The following NETO1 variants were observed in gnomAD, a reference collection of about 807,000 sequenced individuals.
NETO1 encodes neuropilin and tolloid like 1.
A neutral mutation model predicts 61.3 loss-of-function variants in NETO1; 26 were observed. That is an observed-to-expected ratio of 0.42 (90% confidence interval 0.31 to 0.59). The LOEUF is 0.59. Among genes scored for constraint, NETO1 ranks in the 20% least tolerant of loss-of-function variants. The pLI, the probability that NETO1 is intolerant of heterozygous loss-of-function variation, is 0.12. For missense variants in NETO1, 531 were observed against 662.8 expected, an observed-to-expected ratio of 0.80 and a Z score of 2.18; for synonymous variants, 225 against 225.8, an observed-to-expected ratio of 1.00 and a Z score of 0.03.
At position 72,830,229 on chromosome 18, in the gene NETO1, G is replaced by A. The variant is rs1448357730; in HGVS notation, c.469+28597C>T. ...GAAGGAAGCAGCCCTCCCAAGAGAC[G>A]GGAACAGCAGTGCTATCTTGGTGCC... On this transcript the variant is annotated intron_variant, in intron 4 of 10. Transcript: ENST00000327305. The surrounding 1 kb of genome is among the most constrained non-coding windows in gnomAD (Gnocchi z 4.9). Among the ~76,000 whole-genome samples, 4 of 152,116 alleles carry A rather than the reference G, an allele frequency of 2.6e-5. No homozygotes were observed. Among genetic ancestry groups the A allele is most frequent in the Admixed American group, 6.6e-5 (1 of 15,266 alleles).
intron 8 of NETO1, among the ~76,000 whole-genome samples, chr18:72,752,367 A>G (rs559560338): frequency 4.6e-5 from 7 of 152,290 alleles, no homozygotes; most frequent in African/African-American, 1.7e-4. Flanking sequence ...AGCTAAATAG[A>G]GAGAACAGGA....
chr18:72,862,623 T>TC (rs1568275730), intron 3 of NETO1, among the ~76,000 whole-genome samples: 1 of 34,928 alleles, frequency 2.9e-5, no homozygotes, highest in Non-Finnish European at 1.2e-4. Flanking sequence ...TTTTTTTTTC[T>TC]TTTTTTTTTT....
At chr18:72,849,641 T>C (rs1057102017) in intron 4 of NETO1, among the ~76,000 whole-genome samples, 1 of 152,266 alleles carries the variant, frequency 6.6e-6, no homozygotes, top group Non-Finnish European at 1.5e-5. Context: ...ACTTCACTTT[T>C]AGGAAATAAA....
chr18:72,816,025 A>G (rs1415785984), intron 4 of NETO1, among the ~76,000 whole-genome samples: 3 of 152,114 alleles, frequency 2.0e-5, no homozygotes, highest in Non-Finnish European at 2.9e-5. Context: ...CAACATAAGA[A>G]GAATTTTTAA....
Position 72,792,475 on chromosome 18 carries a change from C to T in NETO1, c.639+1642G>A, listed in dbSNP as rs79929632. On this transcript the variant is annotated intron_variant, in intron 6 of 10. Coordinates refer to ENST00000327305, the MANE Select transcript of NETO1 (RefSeq NM_138966.5). ...GGTGCGGAGGGGCTCTTCTTTTCCC[C>T]TCAGTCTAAATATCCAGTCACCAAA... Among the ~76,000 whole-genome samples the T allele has an allele frequency of 6.4e-3, 965 of 151,698 alleles. 10 individuals carry two copies. The highest frequency in any genetic ancestry group is 0.022 in the African/African-American group (913 of 41,388).
At chr18:72,753,209 C>T (rs1358707605) in intron 8 of NETO1, among the ~76,000 whole-genome samples, 5 of 151,744 alleles carry the variant, frequency 3.3e-5, no homozygotes, top group Non-Finnish European at 7.4e-5. Flanking sequence ...CACACAAAGG[C>T]ATATGATATT....
chr18:72,821,166 C>G (rs17086385), intron 4 of NETO1, among the ~76,000 whole-genome samples: 1 of 149,152 alleles, frequency 6.7e-6, no homozygotes, highest in African/African-American at 2.5e-5. Context: ...ATCCTGTCCT[C>G]TCCTTAGCCC....
At chr18:72,766,709 T>A (rs2071173786) in intron 7 of NETO1, among the ~76,000 whole-genome samples, 2 of 152,294 alleles carry the variant, frequency 1.3e-5, no homozygotes, top group South Asian at 4.1e-4. Context: ...TGTGCAAAAA[T>A]TACATATTCT....
chr18:72,856,047 A>G (rs2074402608), intron 4 of NETO1, among the ~76,000 whole-genome samples: 1 of 152,194 alleles, frequency 6.6e-6, no homozygotes, highest in African/African-American at 2.4e-5. Flanking sequence ...ATACATATGT[A>G]TAAATATTGT....
At chr18:72,756,263 T>A in intron 7 of NETO1, 116 bp from the exon 8 acceptor site, 1 of 581,500 alleles carries the variant, frequency 1.7e-6, no homozygotes, top group East Asian at 2.8e-5. Context: ...CAAACTGAGA[T>A]AAATGATCTG....
Position 72,756,129 on chromosome 18 carries a change from G to C in NETO1, c.887C>G (p.Thr296Arg). The stretch of plus-strand genomic sequence containing the variant: ...ACACATGTTACTATGGCAGAAGAAT[G>C]TGTTGCCTTCACAAGGAGCTAAAAA... ...SFQEPPCEGN[T>R]FFCHSNMCIN... Residue 296 changes from threonine (T) to arginine (R), a missense_variant, in exon 8 of 11, where the codon ACA (threonine) becomes AGA (arginine). Coordinates refer to ENST00000327305, the MANE Select transcript of NETO1 (RefSeq NM_138966.5). 1.3e-6 allele frequency: 2 copies of C among 1,599,350 alleles called. No individual in the cohort carries two copies. Among genetic ancestry groups the C allele is most frequent in the Non-Finnish European group, 1.7e-6 (2 of 1,168,038 alleles).
intron 8 of NETO1, among the ~76,000 whole-genome samples, chr18:72,754,426 T>G (rs1450365261): frequency 6.6e-6 from 1 of 152,038 alleles, no homozygotes; most frequent in Non-Finnish European, 1.5e-5. Context: ...AAATATAGAC[T>G]GTCTACAAAA....
chr18:72,826,373 T>C (rs959526559), intron 4 of NETO1, among the ~76,000 whole-genome samples: 1 of 152,212 alleles, frequency 6.6e-6, no homozygotes, highest in Admixed American at 6.5e-5. Flanking sequence ...TGTGTGTCTG[T>C]AGGTTTTAAT....
At chr18:72,854,771 T>A (rs2074365100) in intron 4 of NETO1, among the ~76,000 whole-genome samples, 1 of 152,244 alleles carries the variant, frequency 6.6e-6, no homozygotes, top group African/African-American at 2.4e-5. Flanking sequence ...TAGTCTTTTC[T>A]ATTTTTTTGT....
chr18:72,826,089 T>A (rs2073364404), intron 4 of NETO1, among the ~76,000 whole-genome samples: 1 of 152,154 alleles, frequency 6.6e-6, no homozygotes, highest in South Asian at 2.1e-4. Context: ...AATAAGTACA[T>A]TTAGAGAAAT....
chr18:72,864,044 T>C (rs982220060), intron 3 of NETO1, among the ~76,000 whole-genome samples: 3 of 152,004 alleles, frequency 2.0e-5, no homozygotes, highest in Non-Finnish European at 4.4e-5. Context: ...CATCGTGAAG[T>C]GCCGTCTCTA....
At chr18:72,846,513 A>AAAAAAAAAAAAAAAAAAAAAT in intron 4 of NETO1, among the ~76,000 whole-genome samples, 1 of 145,484 alleles carries the variant, frequency 6.9e-6, no homozygotes, top group Non-Finnish European at 1.5e-5. Context: ...TCAAAAAAAA[A>AAAAAAAAAAAAAAAAAAAAAT]AAAAAAAAAA....
At chr18:72,858,202 A>T (rs1340927169) in intron 4 of NETO1, among the ~76,000 whole-genome samples, 2 of 152,164 alleles carry the variant, frequency 1.3e-5, no homozygotes, top group African/African-American at 4.8e-5. Flanking sequence ...ACAACACAGG[A>T]TCTTTTTAAT....
At chr18:72,849,270 C>G (rs998081275) in intron 4 of NETO1, among the ~76,000 whole-genome samples, 4 of 152,174 alleles carry the variant, frequency 2.6e-5, no homozygotes, top group African/African-American at 9.7e-5. Context: ...GGATATAATT[C>G]TACTAAGCTT....
Sources: allele counts gnomAD v4.1 joint callset (sites outside exome capture counted in the v4.1 genomes callset), GRCh38; gene constraint gnomAD v4.1.1; non-coding constraint Gnocchi (gnomAD v3.1); transcripts MANE v1.5; gene names NCBI Gene and HGNC (gene_info 2026-07-23, HGNC 2026-07-21).